The following TNFSF11 variants were observed in gnomAD, a reference collection of about 807,000 sequenced individuals.
TNFSF11 encodes tumor necrosis factor ligand superfamily member 11.
In TNFSF11, 12 loss-of-function variants were observed where a neutral mutation model predicts 32.2. The ratio of observed to expected loss-of-function variants is 0.37; its 90% confidence interval spans 0.24 to 0.60. TNFSF11 has a LOEUF of 0.60. Ranked by LOEUF, TNFSF11 falls within the 20% of genes least tolerant of loss-of-function variation. TNFSF11 has a pLI of 0.66. For missense variants in TNFSF11, 345 were observed against 398.0 expected (o/e 0.87, Z 1.13); for synonymous variants, 172 against 152.1 (o/e 1.13, Z -0.96).
intron 2 of TNFSF11, among the ~76,000 whole-genome samples, chr13:42,583,416 C>G (rs1204653420): frequency 4.0e-4 from 1 of 2,516 alleles, no homozygotes; most frequent in African/African-American, 8.8e-4. Context: ...CAAGACCCTG[C>G]TAAAAAAAAA....
chr13:42,569,891 G>A (rs912587757), upstream of TNFSF11, among the ~76,000 whole-genome samples: 3 of 152,082 alleles, frequency 2.0e-5, no homozygotes, highest in Admixed American at 2.0e-4. Flanking sequence ...GTGAAAAAAT[G>A]TAAAACAGTG....
intron 2 of TNFSF11, among the ~76,000 whole-genome samples, chr13:42,592,228 C>T (rs1399254154): frequency 2.0e-5 from 3 of 152,284 alleles, no homozygotes; most frequent in South Asian, 4.1e-4. Context: ...AAAGGCTCAG[C>T]CCCACAAGAC....
In TNFSF11 at chr13:42,601,043, A is replaced by G. The variant is rs568945897; in HGVS notation, c.532+62A>G. 3.2e-6 allele frequency: 5 copies of G among 1,578,350 alleles called. No homozygotes were observed. The African/African-American group carries it at 5.4e-5, about 17-fold the overall frequency. ...AAGAGTCATTTATCAGCCCATTTCA[A>G]TACTGAAACCTATTTTTAGTCTGTC... On this transcript the variant is annotated intron_variant, in intron 4 of 4. Transcript: ENST00000398795.
chr13:42,575,476 C>T (rs1420476319), intron 1 of TNFSF11, among the ~76,000 whole-genome samples: 3 of 152,014 alleles, frequency 2.0e-5, no homozygotes, highest in Non-Finnish European at 4.4e-5. Flanking sequence ...GCTGACTGTG[C>T]ATTTTTTTTT....
At chr13:42,601,083 A>G in intron 4 of TNFSF11, 102 bp downstream of exon 4, 1 of 1,318,732 alleles carries the variant, frequency 7.6e-7, no homozygotes, top group Non-Finnish European at 1.1e-6. Context: ...AATTTTTGAG[A>G]GCCCTTACTT....
chr13:42,593,939 T>G (rs1868642040), intron 2 of TNFSF11, among the ~76,000 whole-genome samples: 1 of 152,186 alleles, frequency 6.6e-6, no homozygotes, highest in Non-Finnish European at 1.5e-5. Context: ...AGGTACCACA[T>G]GGATCACACA....
chr13:42,589,703 C>T (rs1357022581), intron 2 of TNFSF11, among the ~76,000 whole-genome samples: 1 of 152,174 alleles, frequency 6.6e-6, no homozygotes, highest in East Asian at 1.9e-4. Flanking sequence ...TACCCTTTCG[C>T]CTCTCTGCCT....
In TNFSF11 at chr13:42,574,542, G is replaced by C. The variant is rs764212624; in HGVS notation, c.219+20G>C. 1.2e-5 allele frequency: 20 copies of C among 1,601,940 alleles called. No homozygotes were observed. The highest frequency in any genetic ancestry group is 1.5e-5 in the Non-Finnish European group (18 of 1,178,738). On this transcript the variant is annotated intron_variant, in intron 1 of 4. Transcript: ENST00000398795. ...GCGCAGGTGAGTGGCCACCTTCCCA[G>C]GGGATCGCGGCTGAGAGCGCCCATC...
chr13:42,576,580 CA>C (rs1315338271), intron 1 of TNFSF11, among the ~76,000 whole-genome samples: 3 of 152,124 alleles, frequency 2.0e-5, no homozygotes, highest in Admixed American at 2.0e-4. Context: ...TTGACTTGTG[CA>C]AAATAATTTA....
Position 42,574,153 on chromosome 13 carries a change from C to T in TNFSF11, c.-151C>T. 5 of 1,039,390 alleles carry T rather than the reference C, an allele frequency of 4.8e-6. No individual in the cohort carries two copies. The highest frequency in any genetic ancestry group is 4.5e-5 in the South Asian group (3 of 67,408). The allele number at this position is 1,039,390 out of a possible 1,614,324, so 64.4% of individuals were successfully genotyped here. ...AGAGTTGGGGCTGCCGGGCGCCCTGCCCGCTCGCCCGCGCGCCCCAGGACC... is the reference window on the plus strand; with the variant it reads ...AGAGTTGGGGCTGCCGGGCGCCCTGTCCGCTCGCCCGCGCGCCCCAGGACC... On this transcript the variant is annotated 5_prime_UTR_variant, in exon 1 of 5. Coordinates refer to ENST00000398795, the MANE Select transcript of TNFSF11 (RefSeq NM_003701.4).
At chr13:42,576,163 A>G (rs974091764) in intron 1 of TNFSF11, among the ~76,000 whole-genome samples, 5 of 152,254 alleles carry the variant, frequency 3.3e-5, no homozygotes, top group Non-Finnish European at 5.9e-5. Context: ...CCTTCGGGAT[A>G]TGGCATTTTC....
chr13:42,586,794 A>G (rs2324851), intron 2 of TNFSF11, among the ~76,000 whole-genome samples: 119,771 of 152,136 alleles, frequency 0.79, 47,428 homozygotes, highest in South Asian at 0.88. Context: ...AACAGGAAGT[A>G]AGACCAGGGA....
At position 42,593,251 on chromosome 13, in the gene TNFSF11, C is replaced by G. The variant is rs572783420; in HGVS notation, c.388-7501C>G. Among the ~76,000 whole-genome samples the G allele has an allele frequency of 6.6e-5, 10 of 152,284 alleles. No homozygotes were observed. The South Asian group carries it at 2.1e-3, about 32-fold the overall frequency. ...CAGTGCTAGGAACCTGGGATGAAGA[C>G]GAATTGCATATTTCTTATTATATTA... On this transcript the variant is annotated intron_variant, in intron 2 of 4. Coordinates refer to ENST00000398795, the MANE Select transcript of TNFSF11 (RefSeq NM_003701.4).
At chr13:42,573,997 C>T (rs769814817), upstream of TNFSF11, among the ~76,000 whole-genome samples, 2 of 152,062 alleles carry the variant, frequency 1.3e-5, no homozygotes, top group Non-Finnish European at 2.9e-5. Flanking sequence ...ATGAAGGAGG[C>T]CCTTCAGTGA....
At chr13:42,574,644 G>A (rs1034811177) in intron 1 of TNFSF11, 122 bp downstream of exon 1, 1 of 1,239,754 alleles carries the variant, frequency 8.1e-7, no homozygotes, top group Non-Finnish European at 1.1e-6. Flanking sequence ...GGAAGGGAAA[G>A]TGACTCCAGA....
chr13:42,589,558 G>A (rs1171662794), intron 2 of TNFSF11, among the ~76,000 whole-genome samples: 1 of 152,188 alleles, frequency 6.6e-6, no homozygotes, highest in East Asian at 1.9e-4. Context: ...AAAGTCCTCT[G>A]TATTCTGGAA....
chr13:42,574,049 G>C, upstream of TNFSF11: 1 of 550,790 alleles, frequency 1.8e-6, no homozygotes, highest in Non-Finnish European at 3.2e-6. Context: ...AGGAAGGGGA[G>C]CCAGAGGTGG....
chr13:42,585,097 T>C (rs1466627697), intron 2 of TNFSF11, among the ~76,000 whole-genome samples: 2 of 152,248 alleles, frequency 1.3e-5, no homozygotes, highest in Non-Finnish European at 2.9e-5. Context: ...TCTATTCAGA[T>C]AATTGTTTGC....
At chr13:42,585,058 C>G (rs1378823966) in intron 2 of TNFSF11, among the ~76,000 whole-genome samples, 3 of 152,206 alleles carry the variant, frequency 2.0e-5, no homozygotes, top group Non-Finnish European at 4.4e-5. Context: ...ATGTCTTTCC[C>G]TATGCCCAAG....
Sources: gnomAD v4.1 joint callset for allele counts (sites outside exome capture counted in the v4.1 genomes callset) on GRCh38, gnomAD v4.1.1 for gene constraint, MANE v1.5 for transcripts, NCBI Gene and HGNC (gene_info 2026-07-23, HGNC 2026-07-21) for gene names.